The following BAG4 variants were observed in gnomAD, a reference collection of about 807,000 sequenced individuals.
The protein encoded by BAG4 is BAG family molecular chaperone regulator 4.
A neutral mutation model predicts 52.1 loss-of-function variants in BAG4; 28 were observed. That is an observed-to-expected ratio of 0.54 (90% CI 0.40 to 0.74). BAG4 has a LOEUF of 0.74. BAG4 is among the 30% of genes least tolerant of loss of function. The probability of loss-of-function intolerance (pLI) is 0.00; values close to 1 mark genes in which losing one functional copy is unlikely to be tolerated. For synonymous variants in BAG4, 208 were observed against 217.0 expected, an observed-to-expected ratio of 0.96 and a Z score of 0.37; for missense variants, 525 against 572.0, an observed-to-expected ratio of 0.92 and a Z score of 0.84.
chr8:38,191,884 C>T (rs1242066766), intron 1 of BAG4, among the ~76,000 whole-genome samples: 2 of 151,120 alleles, frequency 1.3e-5, no homozygotes, highest in African/African-American at 4.9e-5. Flanking sequence ...TATATTTAGT[C>T]TTTTATCAAA....
At chr8:38,209,537 C>G in intron 4 of BAG4, 2 of 476,906 alleles carry the variant, frequency 4.2e-6, no homozygotes, top group East Asian at 7.5e-5. Context: ...ACGTTAAATG[C>G]AAAGATGCAT....
chr8:38,180,761 T>G (rs1391263408), intron 1 of BAG4, among the ~76,000 whole-genome samples: 1 of 152,046 alleles, frequency 6.6e-6, no homozygotes, highest in Non-Finnish European at 1.5e-5. Context: ...AAATCTCTCC[T>G]CTTCCAGACT....
chr8:38,198,217 T>C (rs1166318615), intron 2 of BAG4, among the ~76,000 whole-genome samples: 1 of 150,806 alleles, frequency 6.6e-6, no homozygotes, highest in Non-Finnish European at 1.5e-5. Flanking sequence ...ACCCCGTCTC[T>C]GCTAAAAATA....
chr8:38,184,099 T>C (rs1051589459), intron 1 of BAG4, among the ~76,000 whole-genome samples: 6 of 152,198 alleles, frequency 3.9e-5, no homozygotes, highest in Non-Finnish European at 8.8e-5. Context: ...CAGAAAATAG[T>C]AAGTGGAGGA....
chr8:38,207,911 T>G (rs1803800058), intron 3 of BAG4, 145 bp downstream of exon 3: 2 of 1,027,250 alleles, frequency 1.9e-6, no homozygotes, highest in East Asian at 5.3e-5. Flanking sequence ...TTCTTATTTG[T>G]GGCAGCTATT....
chr8:38,210,020 C>T lies in BAG4; in HGVS notation c.901C>T (p.Pro301Ser). Residue 301 changes from proline to serine, a missense_variant, in exon 5 of 5, where the codon CCC (proline) becomes TCC (serine). This residue lies in a region of BAG4 where 238 missense variants were observed against 305.8 expected (regional missense o/e 0.78). Transcript: ENST00000287322. ...CTCCCACTCCAAGGATTCTTCATAC[C>T]CCTATAGCCAATCAGATCAAAGCAT... is the stretch of plus-strand genomic sequence containing the variant. ...PVQQPKDSSY[P>S]YSQSDQSMNR... is the part of the protein sequence containing the mutation. The T allele has an allele frequency of 6.2e-7, 1 of 1,613,966 alleles. No individual in the cohort carries two copies. Among genetic ancestry groups the T allele is most frequent in the Non-Finnish European group, 8.5e-7 (1 of 1,179,926 alleles).
chr8:38,198,489 T>G (rs1188055024), intron 2 of BAG4, among the ~76,000 whole-genome samples: 1 of 150,138 alleles, frequency 6.7e-6, no homozygotes, highest in African/African-American at 2.5e-5. Context: ...TTTTGTTTGT[T>G]TTTTGTTTTT....
chr8:38,190,679 A>G (rs1803459331), intron 1 of BAG4, among the ~76,000 whole-genome samples: 2 of 150,736 alleles, frequency 1.3e-5, no homozygotes, highest in Admixed American at 1.3e-4. Context: ...TCTGGCCCCA[A>G]GCAATCCTCT....
intron 1 of BAG4, among the ~76,000 whole-genome samples, chr8:38,180,436 T>A (rs1385293408): frequency 1.4e-5 from 2 of 143,692 alleles, no homozygotes; most frequent in African/African-American, 5.2e-5. Flanking sequence ...GGCAGGAGGA[T>A]CATTTGAACC....
chr8:38,203,205 G>A (rs1455462342), intron 2 of BAG4, among the ~76,000 whole-genome samples: 1 of 152,066 alleles, frequency 6.6e-6, no homozygotes, highest in Non-Finnish European at 1.5e-5. Flanking sequence ...TGTTGTAGGA[G>A]CTGATGTTAC....
intron 1 of BAG4, among the ~76,000 whole-genome samples, chr8:38,189,469 T>G (rs1186003929): frequency 6.6e-6 from 1 of 152,214 alleles, no homozygotes; most frequent in African/African-American, 2.4e-5. Flanking sequence ...CCAACTTGAT[T>G]GTTAGTTATT....
chr8:38,209,440 C>G, intron 4 of BAG4, 173 bp downstream of exon 4: 1 of 751,676 alleles, frequency 1.3e-6, no homozygotes, highest in Non-Finnish European at 2.0e-6. Context: ...TTTTAATAGA[C>G]TTTATATTTA....
rs764321796 is a variant in BAG4, at chr8:38,207,699, C to T, written c.566C>T (p.Pro189Leu). ...ACTCCAGTCTCTCGTTGGATCTATC[C>T]CCAGCAGGACTGTCAGACTGAAGCA... ...SPTPVSRWIY[P>L]QQDCQTEAPP... Residue 189 changes from proline to leucine, a missense_variant, in exon 3 of 5, where the codon CCC becomes CTC. Physicochemically the swap from Pro to Leu is moderately conservative, Grantham distance 98 (BLOSUM62 -3). Transcript: ENST00000287322. The T allele has an allele frequency of 8.7e-6, 14 of 1,613,972 alleles. No individual in the cohort carries two copies. Among genetic ancestry groups the T allele is most frequent in the African/African-American group, 1.3e-5 (1 of 74,908 alleles).
Position 38,209,286 on chromosome 8 carries a change from G to T in BAG4, c.888+19G>T. The T allele has an allele frequency of 6.2e-6, 10 of 1,613,968 alleles. No homozygotes were observed. The highest frequency in any genetic ancestry group is 7.6e-6 in the Non-Finnish European group (9 of 1,179,946). ...GCCCAAGGTAGGAGACCTAAATGTTGTTCCTTTAATGTGTGTGTAATTAGG... is the reference window on the plus strand; with the variant it reads ...GCCCAAGGTAGGAGACCTAAATGTTTTTCCTTTAATGTGTGTGTAATTAGG... On this transcript the variant is annotated intron_variant, in intron 4 of 4. Transcript: ENST00000287322.
In BAG4 at chr8:38,207,517, G is replaced by C; in HGVS notation, c.384G>C (p.Leu128Phe). The C allele has an allele frequency of 6.2e-7, 1 of 1,606,252 alleles. No individual in the cohort carries two copies. Among genetic ancestry groups the C allele is most frequent in the Middle Eastern group, 2.0e-4 (1 of 5,084 alleles). ...CTCAACTTGGTTTTTTTCAGAGTTTGAATTCTTATACAAATGGAGCGTATG... is the reference window on the plus strand; with the variant it reads ...CTCAACTTGGTTTTTTTCAGAGTTTCAATTCTTATACAAATGGAGCGTATG... ...PVRPELQGQSLNSYTNGAYGP... is the reference protein window; with the variant it reads ...PVRPELQGQSFNSYTNGAYGP... The change falls in exon 3 of 5, where the codon TTG (leucine) becomes TTC (phenylalanine). Residue 128 changes from leucine (L) to phenylalanine (F), a missense_variant. Physicochemically the swap from Leu to Phe is conservative, Grantham distance 22. Coordinates refer to ENST00000287322, the MANE Select transcript of BAG4 (RefSeq NM_004874.4).
At chr8:38,178,008 T>G (rs950805201) in intron 1 of BAG4, among the ~76,000 whole-genome samples, 1 of 152,154 alleles carries the variant, frequency 6.6e-6, no homozygotes, top group African/African-American at 2.4e-5. Context: ...CCTCAAAACA[T>G]TAAGCATTAG....
intron 2 of BAG4, among the ~76,000 whole-genome samples, chr8:38,195,356 G>T (rs1362362412): frequency 1.3e-5 from 2 of 152,032 alleles, no homozygotes; most frequent in Non-Finnish European, 2.9e-5. Context: ...GTTTCGCCAT[G>T]TTACCCAAGC....
chr8:38,207,898 C>G, intron 3 of BAG4, 132 bp downstream of exon 3: 3 of 1,133,636 alleles, frequency 2.6e-6, no homozygotes, highest in Non-Finnish European at 3.6e-6. Context: ...TATATTGATG[C>G]CTTTCTTATT....
chr8:38,184,469 A>G (rs950652338), intron 1 of BAG4, among the ~76,000 whole-genome samples: 3 of 89,252 alleles, frequency 3.4e-5, no homozygotes, highest in Non-Finnish European at 7.9e-5. Context: ...CCTGTCTCAA[A>G]TAAAATAAAA....
Sources: allele counts gnomAD v4.1 joint callset (sites outside exome capture counted in the v4.1 genomes callset), GRCh38; gene constraint gnomAD v4.1.1; regional missense constraint gnomAD v4.1.1; transcripts MANE v1.5; gene names NCBI Gene and HGNC (gene_info 2026-07-23, HGNC 2026-07-21).